The following MALT1 variants were observed in gnomAD, a reference collection of about 807,000 sequenced individuals.
MALT1 encodes the protein MALT1 paracaspase.
MALT1 carries 36 observed loss-of-function variants against 85.5 expected under a neutral mutation model. The ratio of observed to expected loss-of-function variants is 0.42; its 90% CI spans 0.32 to 0.56. The LOEUF (loss-of-function observed/expected upper bound fraction) is 0.56, where lower values mean the gene tolerates loss of function less well. Ranked by LOEUF, MALT1 falls within the 20% of genes least tolerant of loss-of-function variation. The pLI is 0.10. For missense variants in MALT1, 716 were observed against 981.6 expected, an observed-to-expected ratio of 0.73 and a Z score of 3.62; for synonymous variants, 359 against 361.3, an observed-to-expected ratio of 0.99 and a Z score of 0.07.
At chr18:58,711,108 GT>G (rs1407823814) in intron 7 of MALT1, among the ~76,000 whole-genome samples, 155 bp downstream of exon 7, 1 of 152,146 alleles carries the variant, frequency 6.6e-6, no homozygotes, top group Non-Finnish European at 1.5e-5. Context: ...AATCTTTGAA[GT>G]TTTATAAATG....
At chr18:58,746,072 C>A (rs373253607) in intron 16 of MALT1, among the ~76,000 whole-genome samples, 37 of 152,276 alleles carry the variant, frequency 2.4e-4, no homozygotes, top group African/African-American at 8.7e-4. Flanking sequence ...GGCTGGAGTG[C>A]AGTGGCATGA....
intron 1 of MALT1, 83 bp from the exon 2 acceptor site, chr18:58,681,087 A>G: frequency 1.6e-6 from 2 of 1,263,494 alleles, no homozygotes; most frequent in Non-Finnish European, 1.1e-6. Context: ...TTTATTCCAT[A>G]CAGCACCACC....
At chr18:58,673,347 T>C (rs2054194551) in intron 1 of MALT1, among the ~76,000 whole-genome samples, 3 of 152,238 alleles carry the variant, frequency 2.0e-5, no homozygotes, top group Admixed American at 2.0e-4. Flanking sequence ...GTATGAATGA[T>C]AATGGATTTT....
rs201899332 is a variant in MALT1, at chr18:58,747,482, G to C, written c.2115G>C (p.Val705=). The stretch of plus-strand genomic sequence containing the variant: ...ATACTGTAGAGGACAAGCAGGAAGT[G>C]AATGTTGGGAAACCTCTCATTGCTA... ...LEDTVEDKQE[V]NVGKPLIAKL... Residue 705 remains valine, a synonymous_variant, in exon 17 of 17, where the codon GTG becomes GTC. Transcript: ENST00000649217. 6.2e-6 allele frequency: 10 copies of C among 1,613,844 alleles called. No individual in the cohort carries two copies. Among genetic ancestry groups the C allele is most frequent in the Admixed American group, 3.3e-5 (2 of 60,010 alleles).
At chr18:58,734,695 C>T (rs953667721) in intron 12 of MALT1, 2 of 268,032 alleles carry the variant, frequency 7.5e-6, no homozygotes, top group South Asian at 1.9e-4. Flanking sequence ...AAATGATCGA[C>T]TTTAGCATTC....
At chr18:58,738,207 G>A (rs935464504) in intron 13 of MALT1, among the ~76,000 whole-genome samples, 3 of 152,018 alleles carry the variant, frequency 2.0e-5, no homozygotes, top group African/African-American at 7.3e-5. Context: ...AAAAGTATGC[G>A]TAGTTTTGTT....
Position 58,671,734 on chromosome 18 carries a change from A to T in MALT1, c.91A>T (p.Asn31Tyr). 1 of 1,279,360 alleles carries T rather than the reference A, an allele frequency of 7.8e-7. No homozygotes were observed. 79.3% of individuals were successfully genotyped at this position (1,279,360 alleles called of 1,614,324 possible). ...LLAPPAGATLNRLREPLLRRL... is the reference protein window; with the variant it reads ...LLAPPAGATLYRLREPLLRRL... ...CGCCCCTCCGGCCGGCGCGACCCTC[A>T]ACCGCCTGCGGGAGCCGCTGCTGCG... The change falls in exon 1 of 17, where the codon AAC becomes TAC. Residue 31 changes from asparagine to tyrosine, a missense_variant. Transcript: ENST00000649217.
intron 9 of MALT1, among the ~76,000 whole-genome samples, chr18:58,720,069 T>G (rs77714205): frequency 0.055 from 8,397 of 152,284 alleles, 239 homozygotes; most frequent in East Asian, 0.071. Context: ...GATCATGAGT[T>G]AAAATGTCTT....
chr18:58,681,240 A>T lies in MALT1; in HGVS notation c.280A>T (p.Lys94Ter). ...AGGAAGCCCCAGCCTGTGTCTGCTG[A>T]AGTTAATGGGTGAAAAAGGTTGCAC... ...PEGSPSLCLL[K>*]LMGEKGCTVT... is the part of the protein sequence containing the mutation. The change falls in exon 2 of 17, where the codon AAG becomes TAG. Residue 94 changes from lysine (K) to a stop codon, truncating the protein, a stop_gained. Coordinates refer to ENST00000649217, the MANE Select transcript of MALT1 (RefSeq NM_006785.4). LOFTEE classifies it high-confidence loss of function. 1 of 1,614,172 alleles carries T rather than the reference A, an allele frequency of 6.2e-7. No homozygotes were observed. Among genetic ancestry groups the T allele is most frequent in the Non-Finnish European group, 8.5e-7 (1 of 1,180,014 alleles).
chr18:58,691,071 T>TC (rs2054491045), intron 2 of MALT1: 2 of 248,416 alleles, frequency 8.1e-6, no homozygotes, highest in African/African-American at 4.6e-5. Flanking sequence ...GGGTCATGGT[T>TC]CTAGTGGAGC....
At chr18:58,682,281 A>G (rs1353945863) in intron 2 of MALT1, among the ~76,000 whole-genome samples, 1 of 152,228 alleles carries the variant, frequency 6.6e-6, no homozygotes, top group Non-Finnish European at 1.5e-5. Context: ...TTAGGAACAC[A>G]TGGTATAGTG....
In MALT1 at chr18:58,717,608, T is replaced by C. The variant is rs149586748; in HGVS notation, c.1018+1641T>C. ...TAAAATAGAGAAGATAGGCTGGGTG[T>C]GGTGGTACACGCCTGTAATCCCAGC... On this transcript the variant is annotated intron_variant, in intron 9 of 16. Coordinates refer to ENST00000649217, the MANE Select transcript of MALT1 (RefSeq NM_006785.4). Among the ~76,000 whole-genome samples the C allele has an allele frequency of 5.9e-5, 9 of 152,068 alleles. No homozygotes were observed. The East Asian group carries it at 1.7e-3, about 29-fold the overall frequency.
intron 16 of MALT1, among the ~76,000 whole-genome samples, chr18:58,746,753 T>C (rs1384606045): frequency 6.6e-6 from 1 of 151,866 alleles, no homozygotes; most frequent in Non-Finnish European, 1.5e-5. Flanking sequence ...TTTGAGATGG[T>C]GTCTCTCTCT....
At chr18:58,674,451 T>C (rs898321297) in intron 1 of MALT1, among the ~76,000 whole-genome samples, 2 of 152,150 alleles carry the variant, frequency 1.3e-5, no homozygotes, top group Non-Finnish European at 2.9e-5. Flanking sequence ...TTCACCTGTC[T>C]TTCAAGATGG....
At chr18:58,732,042 A>G (rs2055158187) in intron 10 of MALT1, among the ~76,000 whole-genome samples, 1 of 152,318 alleles carries the variant, frequency 6.6e-6, no homozygotes, top group African/African-American at 2.4e-5. Flanking sequence ...GGACCACATG[A>G]AGCAAATTGT....
chr18:58,719,497 T>G (rs1255977070), intron 9 of MALT1, among the ~76,000 whole-genome samples: 2 of 152,188 alleles, frequency 1.3e-5, no homozygotes, highest in Non-Finnish European at 2.9e-5. Flanking sequence ...CTGTTTTCTT[T>G]ATGTCGGGCT....
chr18:58,737,479 CAAAA>C (rs778635527), intron 13 of MALT1, among the ~76,000 whole-genome samples: 3 of 102,606 alleles, frequency 2.9e-5, no homozygotes, highest in African/African-American at 6.4e-5. Context: ...AGCCCCATCT[CAAAA>C]AAAAAAAAAA....
Position 58,691,574 on chromosome 18 carries a change from T to TA in MALT1, c.377-4786dup, listed in dbSNP as rs2054499748. 5 of 172,930 alleles carry TA rather than the reference T, an allele frequency of 2.9e-5. No individual in the cohort carries two copies. In the South Asian group the frequency reaches 6.5e-4, roughly 22 times the overall value. 10.7% of individuals were successfully genotyped at this position (172,930 alleles called of 1,614,324 possible). Reference sequence around the variant, plus strand: ...CAGCATTTTTGGTGTCTCCCAGTGATAAAAAAGAAGGTGGGACCGGGCCCA... The same window carrying TA: ...CAGCATTTTTGGTGTCTCCCAGTGATAAAAAAAGAAGGTGGGACCGGGCCCA... On this transcript the variant is annotated intron_variant, in intron 2 of 16. Transcript: ENST00000649217.
intron 2 of MALT1, among the ~76,000 whole-genome samples, chr18:58,687,269 G>A (rs1205636595): frequency 6.6e-6 from 1 of 152,190 alleles, no homozygotes; most frequent in African/African-American, 2.4e-5. Context: ...GGAGAGAAAG[G>A]GCTGGTGAGC....
Sources: gnomAD v4.1 joint callset for allele counts (sites outside exome capture counted in the v4.1 genomes callset) on GRCh38, gnomAD v4.1.1 for gene constraint, MANE v1.5 for transcripts, NCBI Gene and HGNC (gene_info 2026-07-23, HGNC 2026-07-21) for gene names.